The following FBXO45 variants were observed in gnomAD, a reference collection of about 807,000 sequenced individuals.
The protein encoded by FBXO45 is F-box protein 45.
FBXO45 carries 3 observed loss-of-function variants against 25.5 expected under a neutral mutation model. The ratio of observed to expected loss-of-function variants is 0.12; its 90% confidence interval spans 0.05 to 0.30. The LOEUF (loss-of-function observed/expected upper bound fraction) is 0.30, where lower values mean the gene tolerates loss of function less well. Among genes scored for constraint, FBXO45 ranks in the 10% least tolerant of loss-of-function variants. The pLI is 1.00. For synonymous variants in FBXO45, 155 were observed against 149.8 expected (o/e 1.03, Z -0.25); for missense variants, 219 against 365.0 (o/e 0.60, Z 3.26).
Position 196,588,494 on chromosome 3 carries a change from C to T in FBXO45, c.*4176C>T, listed in dbSNP as rs1736177924. On this transcript the variant is annotated 3_prime_UTR_variant, in exon 3 of 3. Transcript: ENST00000311630. The surrounding 1 kb of genome is among the most constrained non-coding windows in gnomAD (Gnocchi z 4.2). ...AGCCTTTATTAGGAACAGCCCACAC[C>T]CAGCCCAAATGCTGTCCTCAAAAAC... The T allele has an allele frequency of 6.6e-6, 1 of 152,202 alleles. No homozygotes were observed. The highest frequency in any genetic ancestry group is 6.5e-5 in the Admixed American group (1 of 15,286). The allele number at this position is 152,202 out of a possible 1,614,324, so 9.4% of individuals were successfully genotyped here.
chr3:196,584,894 A>C lies in FBXO45; in HGVS notation c.*576A>C, dbSNP rs1736079180. On this transcript the variant is annotated 3_prime_UTR_variant, in exon 3 of 3. Coordinates refer to ENST00000311630, the MANE Select transcript of FBXO45 (RefSeq NM_001105573.2). The surrounding 1 kb of genome is among the most constrained non-coding windows in gnomAD (Gnocchi z 4.3). ...GTGTGTAAAAAAAAAAAACTGTAAA[A>C]AAGAAAGGACAAACAGGTTGTTTTG... 6.6e-6 allele frequency: 1 copy of C among 152,084 alleles called. No homozygotes were observed. The highest frequency in any genetic ancestry group is 2.4e-5 in the African/African-American group (1 of 41,446). 9.4% of individuals were successfully genotyped at this position (152,084 alleles called of 1,614,324 possible).
intron 1 of FBXO45, among the ~76,000 whole-genome samples, chr3:196,576,877 A>C (rs1735922597): frequency 6.6e-6 from 1 of 152,202 alleles, no homozygotes; most frequent in Non-Finnish European, 1.5e-5. Context: ...GCTAGGATTA[A>C]AGTTTCTGTT....
At chr3:196,577,856 G>T in intron 2 of FBXO45, 47 bp downstream of exon 2, 1 of 1,209,186 alleles carries the variant, frequency 8.3e-7, no homozygotes, top group Non-Finnish European at 1.1e-6. Flanking sequence ...GTCAAATCAC[G>T]CCTTAATTTG....
rs1735735062 is a variant in FBXO45, at chr3:196,569,332, C to G, written c.318+30C>G. ...GAGAGCCCCGGGCCACACCGCTGCC[C>G]CCAGTCCCGCTCCCCGGCGTCGTTC... is the stretch of plus-strand genomic sequence containing the variant. On this transcript the variant is annotated intron_variant, in intron 1 of 2. Transcript: ENST00000311630. The surrounding 1 kb of genome is among the most constrained non-coding windows in gnomAD (Gnocchi z 4.1). 2.1e-6 allele frequency: 3 copies of G among 1,455,092 alleles called. No individual in the cohort carries two copies. Among genetic ancestry groups the G allele is most frequent in the South Asian group, 1.4e-5 (1 of 73,968 alleles). 90.1% of individuals were successfully genotyped at this position (1,455,092 alleles called of 1,614,324 possible). A position where few individuals can be genotyped will look rare whatever the true frequency, so the allele number is the denominator to read the frequency against.
At position 196,569,397 on chromosome 3, in the gene FBXO45, C is replaced by T. The variant is rs543369915; in HGVS notation, c.318+95C>T. 9.8e-6 allele frequency: 12 copies of T among 1,226,536 alleles called. No homozygotes were observed. In the East Asian group the frequency reaches 2.9e-4, roughly 30 times the overall value. The allele number at this position is 1,226,536 out of a possible 1,614,324, so 76.0% of individuals were successfully genotyped here. On this transcript the variant is annotated intron_variant, in intron 1 of 2. Coordinates refer to ENST00000311630, the MANE Select transcript of FBXO45 (RefSeq NM_001105573.2). This position sits in a 1 kb window ranked among gnomAD's most constrained non-coding sequence, Gnocchi z 4.1. ...CCGAGCTTCTGAGTCAGAAGCTTCG[C>T]CTCACCAGCCCGCCTTTCCACGGCT... is the stretch of plus-strand genomic sequence containing the variant.
At chr3:196,573,482 G>A (rs1735862243) in intron 1 of FBXO45, among the ~76,000 whole-genome samples, 1 of 152,210 alleles carries the variant, frequency 6.6e-6, no homozygotes, top group Non-Finnish European at 1.5e-5. Context: ...ATGAGTTGGA[G>A]AGGGCAGCGG....
rs1735708723 is a variant in FBXO45 at position 196,568,941 on chromosome 3, A to AAGCGGCGGCGGC, written c.-34_-23dup. Reference sequence around the variant, plus strand: ...TGGCCTTCCGAGCAGAGACGGCGGGAAGCGGCGGCGGCAGCGGCGGCCCTA... The same window carrying AAGCGGCGGCGGC: ...TGGCCTTCCGAGCAGAGACGGCGGGAAGCGGCGGCGGCAGCGGCGGCGGCAGCGGCGGCCCTA... On this transcript the variant is annotated 5_prime_UTR_variant, in exon 1 of 3. Transcript: ENST00000311630. 1 of 986,550 alleles carries AAGCGGCGGCGGC rather than the reference A, an allele frequency of 1.0e-6. No homozygotes were observed. The highest frequency in any genetic ancestry group is 1.8e-5 in the African/African-American group (1 of 56,954). 61.1% of individuals were successfully genotyped at this position (986,550 alleles called of 1,614,324 possible). A position where few individuals can be genotyped will look rare whatever the true frequency, so the allele number is the denominator to read the frequency against.
chr3:196,583,052 C>T (rs1490177377), intron 2 of FBXO45, among the ~76,000 whole-genome samples: 2 of 152,118 alleles, frequency 1.3e-5, no homozygotes, highest in South Asian at 2.1e-4. Flanking sequence ...GTAAACTCTG[C>T]TCTACAACTA....
chr3:196,584,043 T>C lies in FBXO45; in HGVS notation c.676-90T>C. 1 of 1,224,106 alleles carries C rather than the reference T, an allele frequency of 8.2e-7. No homozygotes were observed. The highest frequency in any genetic ancestry group is 2.7e-4 in the Middle Eastern group (1 of 3,728). 75.8% of individuals were successfully genotyped at this position (1,224,106 alleles called of 1,614,324 possible). A position where few individuals can be genotyped will look rare whatever the true frequency, so the allele number is the denominator to read the frequency against. On this transcript the variant is annotated intron_variant, in intron 2 of 2. Transcript: ENST00000311630. The surrounding 1 kb of genome is among the most constrained non-coding windows in gnomAD (Gnocchi z 4.3). ...CTAGATAGCTTTCAGGATAATATTCTTAATATTTTCAACTTCTTGATTTGT... is the reference window on the plus strand; with the variant it reads ...CTAGATAGCTTTCAGGATAATATTCCTAATATTTTCAACTTCTTGATTTGT...
intron 2 of FBXO45, among the ~76,000 whole-genome samples, chr3:196,582,205 C>A (rs961601908): frequency 6.6e-6 from 1 of 152,152 alleles, no homozygotes; most frequent in African/African-American, 2.4e-5. Flanking sequence ...GCAGATTTCA[C>A]CAGGAGTAAT....
At chr3:196,583,959 T>G (rs1383504138) in intron 2 of FBXO45, among the ~76,000 whole-genome samples, 174 bp from the exon 3 acceptor site, 1 of 152,202 alleles carries the variant, frequency 6.6e-6, no homozygotes, top group East Asian at 1.9e-4. Context: ...CCCGGCCAGA[T>G]GTATGTCCTT....
chr3:196,581,385 C>T (rs1736010528), intron 2 of FBXO45, among the ~76,000 whole-genome samples: 1 of 151,534 alleles, frequency 6.6e-6, no homozygotes, highest in African/African-American at 2.4e-5. Context: ...TGTGTGCCAC[C>T]ATGCCCAGCT....
In FBXO45 at chr3:196,584,195, A is replaced by G. The variant is rs377161578; in HGVS notation, c.738A>G (p.Gly246=). The change falls in exon 3 of 3, where the codon GGA becomes GGG. Residue 246 remains glycine, a synonymous_variant. Coordinates refer to ENST00000311630, the MANE Select transcript of FBXO45 (RefSeq NM_001105573.2). The surrounding 1 kb of genome is among the most constrained non-coding windows in gnomAD (Gnocchi z 4.3). Reference sequence around the variant, plus strand: ...ATAAGACTTTAGCTTTTGAACGTGGATATGAGTTCCTGGGGGTTGCTTTTA... The same window carrying G: ...ATAAGACTTTAGCTTTTGAACGTGGGTATGAGTTCCTGGGGGTTGCTTTTA... ...MEDKTLAFER[G]YEFLGVAFRG... The G allele has an allele frequency of 6.2e-6, 10 of 1,613,898 alleles. No homozygotes were observed. Among genetic ancestry groups the G allele is most frequent in the African/African-American group, 2.7e-5 (2 of 74,926 alleles).
rs1328435385 is a variant in FBXO45, at chr3:196,585,549, A to T, written c.*1231A>T. The T allele has an allele frequency of 6.6e-6, 1 of 152,216 alleles. No individual in the cohort carries two copies. The highest frequency in any genetic ancestry group is 1.5e-5 in the Non-Finnish European group (1 of 68,036). The allele number at this position is 152,216 out of a possible 1,614,324, so 9.4% of individuals were successfully genotyped here. On this transcript the variant is annotated 3_prime_UTR_variant, in exon 3 of 3. Transcript: ENST00000311630. ...AGATAATTGCCCCCATGGGACTTGA[A>T]ATACAACACCTTGTGCTGAAAACTT...
In FBXO45 at chr3:196,569,398, C is replaced by A; in HGVS notation, c.318+96C>A. On this transcript the variant is annotated intron_variant, in intron 1 of 2. Coordinates refer to ENST00000311630, the MANE Select transcript of FBXO45 (RefSeq NM_001105573.2). The surrounding 1 kb of genome is among the most constrained non-coding windows in gnomAD (Gnocchi z 4.1). ...CGAGCTTCTGAGTCAGAAGCTTCGCCTCACCAGCCCGCCTTTCCACGGCTC... is the reference window on the plus strand; with the variant it reads ...CGAGCTTCTGAGTCAGAAGCTTCGCATCACCAGCCCGCCTTTCCACGGCTC... 1 of 1,232,780 alleles carries A rather than the reference C, an allele frequency of 8.1e-7. No homozygotes were observed. Among genetic ancestry groups the A allele is most frequent in the South Asian group, 1.6e-5 (1 of 62,176 alleles). The allele number at this position is 1,232,780 out of a possible 1,614,324, so 76.4% of individuals were successfully genotyped here. A position where few individuals can be genotyped will look rare whatever the true frequency, so the allele number is the denominator to read the frequency against.
At position 196,586,024 on chromosome 3, in the gene FBXO45, T is replaced by C. The variant is rs755457096; in HGVS notation, c.*1706T>C. ...ACATTGCTTGAAAAGATGAAATCTG[T>C]TAAAGATTCTTTTCGATGTCCAGGT... On this transcript the variant is annotated 3_prime_UTR_variant, in exon 3 of 3. Coordinates refer to ENST00000311630, the MANE Select transcript of FBXO45 (RefSeq NM_001105573.2). 2.0e-5 allele frequency: 3 copies of C among 152,238 alleles called. No homozygotes were observed. Among genetic ancestry groups the C allele is most frequent in the Admixed American group, 6.5e-5 (1 of 15,284 alleles). The allele number at this position is 152,238 out of a possible 1,614,324, so 9.4% of individuals were successfully genotyped here.
intron 2 of FBXO45, among the ~76,000 whole-genome samples, chr3:196,580,917 C>T (rs1735999382): frequency 6.6e-6 from 1 of 152,122 alleles, no homozygotes; most frequent in South Asian, 2.1e-4. Flanking sequence ...TCCAGAGTAG[C>T]TGGGACTACA....
rs1340288201 is a variant in FBXO45 at position 196,577,467 on chromosome 3, A to G, written c.333A>G (p.Gln111=). Residue 111 remains glutamine, a synonymous_variant, in exon 2 of 3, where the codon CAA becomes CAG. Coordinates refer to ENST00000311630, the MANE Select transcript of FBXO45 (RefSeq NM_001105573.2). The part of the protein sequence containing the change: ...PSYKAKIRAF[Q]HAFSTNDCSR... ...CATCTTTTTAGATACGTGCTTTTCAACATGCCTTCAGCACTAATGACTGCT... is the reference window on the plus strand; with the variant it reads ...CATCTTTTTAGATACGTGCTTTTCAGCATGCCTTCAGCACTAATGACTGCT... 5.7e-6 allele frequency: 9 copies of G among 1,580,564 alleles called. No individual in the cohort carries two copies. Among genetic ancestry groups the G allele is most frequent in the African/African-American group, 4.0e-5 (3 of 74,574 alleles).
rs1735933974 is a variant in FBXO45, at chr3:196,577,446, T to C, written c.319-7T>C. On this transcript the variant is annotated splice_polypyrimidine_tract_variant and splice_region_variant and intron_variant, in intron 1 of 2. Transcript: ENST00000311630. ...TTATTTATTTGGTCTGTTTTTCATC[T>C]TTTTAGATACGTGCTTTTCAACATG... 6.5e-7 allele frequency: 1 copy of C among 1,544,080 alleles called. No homozygotes were observed. Among genetic ancestry groups the C allele is most frequent in the Non-Finnish European group, 8.8e-7 (1 of 1,134,772 alleles).
Sources: gnomAD v4.1 joint callset for allele counts (sites outside exome capture counted in the v4.1 genomes callset) on GRCh38, gnomAD v4.1.1 for gene constraint, Gnocchi (gnomAD v3.1) non-coding constraint, MANE v1.5 for transcripts, NCBI Gene and HGNC (gene_info 2026-07-23, HGNC 2026-07-21) for gene names.